Variants in SPATA46 observed in about 807,000 individuals in gnomAD.
The protein encoded by SPATA46 is spermatogenesis associated 46.
SPATA46 carries 3 observed loss-of-function variants against 6.2 expected under a neutral mutation model. The ratio of observed to expected loss-of-function variants is 0.48; its 90% CI spans 0.22 to 1.25. The LOEUF (loss-of-function observed/expected upper bound fraction) is 1.25, where lower values mean the gene tolerates loss of function less well. SPATA46 is among the 50% of genes most tolerant of loss of function. SPATA46 has a pLI of 0.20. For synonymous variants in SPATA46, 117 were observed against 123.3 expected (o/e 0.95, Z 0.34); for missense variants, 308 against 323.5 (o/e 0.95, Z 0.37).
chr1:162,374,516 G>C lies in SPATA46; in HGVS notation c.318C>G (p.Asp106Glu). 5 of 1,614,196 alleles carry C rather than the reference G, an allele frequency of 3.1e-6. No homozygotes were observed. The South Asian group carries it at 4.4e-5, about 14-fold the overall frequency. ...FSPYSYFVCA[D>E]KESQLEAYDF... Reference sequence around the variant, plus strand: ...CATAGGCCTCCAGCTGGCTCTCTTTGTCTGCACACACGAAGTAGCTGTAGG... The same window carrying C: ...CATAGGCCTCCAGCTGGCTCTCTTTCTCTGCACACACGAAGTAGCTGTAGG... The change falls in exon 3 of 3, where the codon GAC (aspartate) becomes GAG (glutamate). Residue 106 changes from aspartate (D) to glutamate (E), a missense_variant. Physicochemically the swap from Asp to Glu is conservative, Grantham distance 45 (BLOSUM62 2). Coordinates refer to ENST00000367935, the MANE Select transcript of SPATA46 (RefSeq NM_182581.4).
At chr1:162,374,670 G>C (rs868684180) in intron 2 of SPATA46, 54 bp from the exon 3 acceptor site, 1 of 1,527,346 alleles carries the variant, frequency 6.5e-7, no homozygotes, top group Non-Finnish European at 8.8e-7. Flanking sequence ...TGGAGCCAAG[G>C]ATGCTGGAGC....
chr1:162,374,027 A>G lies in SPATA46; in HGVS notation c.*21T>C, dbSNP rs202011403. 2.2e-4 allele frequency: 349 copies of G among 1,568,632 alleles called. No individual in the cohort carries two copies. The African/African-American group carries it at 4.0e-3, about 18-fold the overall frequency. On this transcript the variant is annotated 3_prime_UTR_variant, in exon 3 of 3. Transcript: ENST00000367935. ...ACCTCAGACTGGACAGAAGGCTGTG[A>G]CTAACTTTATTGGCATCTCTCTAGA... is the stretch of plus-strand genomic sequence containing the variant.
At position 162,376,682 on chromosome 1, in the gene SPATA46, G is replaced by T; in HGVS notation, c.103+6C>A. On this transcript the variant is annotated splice_donor_region_variant and intron_variant, in intron 1 of 2. Transcript: ENST00000367935. ...TCTTTGTGGCCCTAGTGGCACCAAA[G>T]TTTACCTGGCAGGCTGGTGGCACGA... 1 of 1,613,260 alleles carries T rather than the reference G, an allele frequency of 6.2e-7. No individual in the cohort carries two copies. The highest frequency in any genetic ancestry group is 8.5e-7 in the Non-Finnish European group (1 of 1,179,388).
In SPATA46 at chr1:162,373,791, G is replaced by A; in HGVS notation, c.*257C>T. The A allele has an allele frequency of 2.4e-6, 1 of 414,460 alleles. No homozygotes were observed. The highest frequency in any genetic ancestry group is 4.3e-6 in the Non-Finnish European group (1 of 232,104). 25.7% of individuals were successfully genotyped at this position (414,460 alleles called of 1,614,324 possible). ...CCATAGTTTCTGATTCAGTAGGTCT[G>A]AGGAGGGCCTGAGAGTTCCCAGGGG... On this transcript the variant is annotated 3_prime_UTR_variant, in exon 3 of 3. Coordinates refer to ENST00000367935, the MANE Select transcript of SPATA46 (RefSeq NM_182581.4).
chr1:162,376,697 T>G lies in SPATA46; in HGVS notation c.94A>C (p.Ser32Arg), dbSNP rs1226140534. 9 of 1,614,022 alleles carry G rather than the reference T, an allele frequency of 5.6e-6. No individual in the cohort carries two copies. The highest frequency in any genetic ancestry group is 1.6e-4 in the Middle Eastern group (1 of 6,062). ...TGGCACCAAAGTTTACCTGGCAGGC[T>G]GGTGGCACGAGAGAACATAATGTCG... ...FPDIMFSRAT[S>R]LPDIAKTAVP... is the part of the protein sequence containing the mutation. Residue 32 changes from serine (S) to arginine (R), a missense_variant, in exon 1 of 3, where the codon AGC (serine) becomes CGC (arginine). By Grantham distance (110) the Ser-to-Arg change is moderately radical. Coordinates refer to ENST00000367935, the MANE Select transcript of SPATA46 (RefSeq NM_182581.4).
At chr1:162,375,460 G>A (rs1396538238) in intron 1 of SPATA46, 57 bp from the exon 2 acceptor site, 1 of 1,414,610 alleles carries the variant, frequency 7.1e-7, no homozygotes, top group Non-Finnish European at 1.0e-6. Context: ...CACTTTCTGG[G>A]ACTCCCCCAG....
At chr1:162,375,424 T>C (rs939909520) in intron 1 of SPATA46, 21 bp from the exon 2 acceptor site, 2 of 1,604,284 alleles carry the variant, frequency 1.2e-6, no homozygotes, top group Non-Finnish European at 1.7e-6. Flanking sequence ...GAAGAAACAC[T>C]GGTGAGCTGA....
Position 162,374,058 on chromosome 1 carries a change from A to G in SPATA46, c.776T>C (p.Leu259Ser), listed in dbSNP as rs780994993. The change falls in exon 3 of 3, where the codon TTA becomes TCA. Residue 259 changes from leucine (L) to serine (S), a missense_variant. Physicochemically the swap from Leu to Ser is moderately radical, Grantham distance 145 (BLOSUM62 -2). Coordinates refer to ENST00000367935, the MANE Select transcript of SPATA46 (RefSeq NM_182581.4). ...HLRQIGGEAY[L>S]CL Reference sequence around the variant, plus strand: ...TTTATTGGCATCTCTCTAGAGACATAAGTAGGCTTCACCGCCAATTTGCCT... The same window carrying G: ...TTTATTGGCATCTCTCTAGAGACATGAGTAGGCTTCACCGCCAATTTGCCT... The G allele has an allele frequency of 1.2e-6, 2 of 1,605,532 alleles. No homozygotes were observed. Among genetic ancestry groups the G allele is most frequent in the Admixed American group, 3.4e-5 (2 of 59,250 alleles).
chr1:162,375,260 A>G, intron 2 of SPATA46, 30 bp downstream of exon 2: 1 of 1,568,782 alleles, frequency 6.4e-7, no homozygotes, highest in Non-Finnish European at 8.8e-7. Flanking sequence ...CCTCTCACAC[A>G]TTCCCGCCCA....
intron 2 of SPATA46, among the ~76,000 whole-genome samples, chr1:162,374,994 G>A (rs912840212): frequency 2.0e-5 from 3 of 152,080 alleles, no homozygotes; most frequent in Non-Finnish European, 4.4e-5. Context: ...CCCTCTTTTC[G>A]CCACCCATGG....
chr1:162,375,100 A>C (rs963244019), intron 2 of SPATA46, among the ~76,000 whole-genome samples, 190 bp downstream of exon 2: 1 of 152,094 alleles, frequency 6.6e-6, no homozygotes, highest in African/African-American at 2.4e-5. Context: ...GAGACAGGAG[A>C]GGGGAGGCAA....
At position 162,374,048 on chromosome 1, in the gene SPATA46, C is replaced by A. The variant is rs200997544; in HGVS notation, c.786G>T (p.Ter262TyrextTer34). 19 of 1,597,900 alleles carry A rather than the reference C, an allele frequency of 1.2e-5. No individual in the cohort carries two copies. The highest frequency in any genetic ancestry group is 5.1e-5 in the Admixed American group (3 of 58,722). ...TGTGACTAACTTTATTGGCATCTCT[C>A]TAGAGACATAAGTAGGCTTCACCGC... ...QIGGEAYLCL[*>Y] The change falls in exon 3 of 3, where the codon TAG (stop) becomes TAT (tyrosine). Residue 262 changes from the stop codon to tyrosine, a stop_lost. Coordinates refer to ENST00000367935, the MANE Select transcript of SPATA46 (RefSeq NM_182581.4).
Position 162,376,699 on chromosome 1 carries a change from G to A in SPATA46, c.92C>T (p.Thr31Ile), listed in dbSNP as rs1177640357. The change falls in exon 1 of 3, where the codon ACC becomes ATC. Residue 31 changes from threonine to isoleucine, a missense_variant. Transcript: ENST00000367935. ...GCACCAAAGTTTACCTGGCAGGCTGGTGGCACGAGAGAACATAATGTCGGG... is the reference window on the plus strand; with the variant it reads ...GCACCAAAGTTTACCTGGCAGGCTGATGGCACGAGAGAACATAATGTCGGG... ...AFPDIMFSRA[T>I]SLPDIAKTAV... The A allele has an allele frequency of 1.2e-6, 2 of 1,614,040 alleles. No individual in the cohort carries two copies. The highest frequency in any genetic ancestry group is 3.3e-5 in the Admixed American group (2 of 60,020).
chr1:162,374,237 CT>C lies in SPATA46; in HGVS notation c.596del (p.Lys199ArgfsTer78). 6.2e-7 allele frequency: 1 copy of C among 1,613,868 alleles called. No individual in the cohort carries two copies. The highest frequency in any genetic ancestry group is 8.5e-7 in the Non-Finnish European group (1 of 1,179,804). ...CCCTGAAGCCCCTCTTGATGTGGCT[CT>C]TGAGGAAGTCCAGGGTGGGGTACAT... ...CRMYPTLDFLKSHIKRGFREG... is the reference protein window; with the variant it reads ...CRMYPTLDFLXSHIKRGFREG... On this transcript the variant is annotated frameshift_variant, in exon 3 of 3. Transcript: ENST00000367935. LOFTEE classifies it low-confidence loss of function (END_TRUNC).
Position 162,374,177 on chromosome 1 carries a change from G to A in SPATA46, c.657C>T (p.Leu219=), listed in dbSNP as rs971798398. 4 of 1,614,232 alleles carry A rather than the reference G, an allele frequency of 2.5e-6. No homozygotes were observed. The highest frequency in any genetic ancestry group is 1.6e-4 in the Middle Eastern group (1 of 6,062). Residue 219 remains leucine, a synonymous_variant, in exon 3 of 3, where the codon CTC becomes CTT. Coordinates refer to ENST00000367935, the MANE Select transcript of SPATA46 (RefSeq NM_182581.4). ...TCTGCTCCTTGCTCCAGAGGGCTTT[G>A]AGCTTGCGGTAGTACACCTTGCAGC... is the stretch of plus-strand genomic sequence containing the variant. ...GFSCKVYYRK[L]KALWSKEQKA...
At position 162,376,729 on chromosome 1, in the gene SPATA46, G is replaced by A; in HGVS notation, c.62C>T (p.Ala21Val). The change falls in exon 1 of 3, where the codon GCT (alanine) becomes GTT (valine). Residue 21 changes from alanine (A) to valine (V), a missense_variant. Transcript: ENST00000367935. ...ACGAGAGAACATAATGTCGGGAAAA[G>A]CACTCAGGGCGGAGGAAGAGATTGG... ...GPPISSSALS[A>V]FPDIMFSRAT... 1 of 1,614,136 alleles carries A rather than the reference G, an allele frequency of 6.2e-7. No homozygotes were observed. The highest frequency in any genetic ancestry group is 1.1e-5 in the South Asian group (1 of 91,080).
chr1:162,375,212 T>G, intron 2 of SPATA46, 78 bp downstream of exon 2: 1 of 1,275,782 alleles, frequency 7.8e-7, no homozygotes, highest in Non-Finnish European at 1.1e-6. Context: ...TCCAGACACC[T>G]CTGCTTCCTT....
rs368265905 is a variant in SPATA46, at chr1:162,374,470, C to T, written c.364G>A (p.Asp122Asn). The T allele has an allele frequency of 6.2e-7, 1 of 1,614,238 alleles. No homozygotes were observed. Among genetic ancestry groups the T allele is most frequent in the African/African-American group, 1.3e-5 (1 of 75,060 alleles). The change falls in exon 3 of 3, where the codon GAT becomes AAT. Residue 122 changes from aspartate to asparagine, a missense_variant. By Grantham distance (23) the Asp-to-Asn change is conservative. Transcript: ENST00000367935. ...EAYDFPEVQQ[D>N]EGKWDNCLSE... The stretch of plus-strand genomic sequence containing the variant: ...AGGCAGTTGTCCCACTTGCCCTCAT[C>T]CTGCTGCACCTCTGGGAAGTCATAG...
Position 162,373,990 on chromosome 1 carries a change from C to T in SPATA46, c.*58G>A, listed in dbSNP as rs1024714902. On this transcript the variant is annotated 3_prime_UTR_variant, in exon 3 of 3. Coordinates refer to ENST00000367935, the MANE Select transcript of SPATA46 (RefSeq NM_182581.4). ...GCCGGGTTCTGGGAAGGACAGCAGG[C>T]TGTGCGGGGTGACCTCAGACTGGAC... is the stretch of plus-strand genomic sequence containing the variant. 2.0e-6 allele frequency: 3 copies of T among 1,510,028 alleles called. No individual in the cohort carries two copies. Among genetic ancestry groups the T allele is most frequent in the African/African-American group, 2.8e-5 (2 of 71,976 alleles). The allele number at this position is 1,510,028 out of a possible 1,614,324, so 93.5% of individuals were successfully genotyped here.
Sources: allele counts gnomAD v4.1 joint callset (sites outside exome capture counted in the v4.1 genomes callset), GRCh38; gene constraint gnomAD v4.1.1; transcripts MANE v1.5; gene names NCBI Gene and HGNC (gene_info 2026-07-23, HGNC 2026-07-21).